The following ZNRF3 variants were observed in gnomAD, a reference collection of about 807,000 sequenced individuals.
ZNRF3 encodes the protein zinc and ring finger 3.
In ZNRF3, 23 loss-of-function variants were observed where a neutral mutation model predicts 72.5. The ratio of observed to expected loss-of-function variants is 0.32; its 90% CI spans 0.23 to 0.45. ZNRF3 has a LOEUF of 0.45. ZNRF3 is among the 20% of genes least tolerant of loss of function. The pLI is 1.00. For synonymous variants in ZNRF3, 610 were observed against 545.3 expected (o/e 1.12, Z -1.65); for missense variants, 1,169 against 1,272.1 (o/e 0.92, Z 1.23).
At chr22:29,014,339 G>T (rs2036396868) in intron 2 of ZNRF3, among the ~76,000 whole-genome samples, 1 of 152,158 alleles carries the variant, frequency 6.6e-6, no homozygotes, top group Admixed American at 6.5e-5. Flanking sequence ...TCCCCTGAAT[G>T]TCCCCACTGG....
rs564690684 is a variant in ZNRF3, at chr22:28,979,158, C to A, written c.301-7918C>A. Reference sequence around the variant, plus strand: ...CTCATCCTTCTGGCCCCATCTGGACCTGTCATTCAACAGGCTGGTTGCAAA... The same window carrying A: ...CTCATCCTTCTGGCCCCATCTGGACATGTCATTCAACAGGCTGGTTGCAAA... On this transcript the variant is annotated intron_variant, in intron 1 of 8. Transcript: ENST00000544604. Among the ~76,000 whole-genome samples, 23 of 152,298 alleles carry A rather than the reference C, an allele frequency of 1.5e-4. No homozygotes were observed. In the East Asian group the frequency reaches 4.0e-3, roughly 27 times the overall value.
At chr22:28,948,486 A>T (rs772486159) in intron 1 of ZNRF3, among the ~76,000 whole-genome samples, 14 of 152,246 alleles carry the variant, frequency 9.2e-5, no homozygotes, top group Non-Finnish European at 1.6e-4. Context: ...TTTTTGTTTT[A>T]GAAAATATAG....
At chr22:28,896,932 T>C (rs2034008942) in intron 1 of ZNRF3, among the ~76,000 whole-genome samples, 1 of 152,220 alleles carries the variant, frequency 6.6e-6, no homozygotes, top group Non-Finnish European at 1.5e-5. Context: ...TTTTGGTTTT[T>C]CTTTTTCTTT....
intron 1 of ZNRF3, among the ~76,000 whole-genome samples, chr22:28,977,146 T>G (rs2035689874): frequency 6.6e-6 from 1 of 152,110 alleles, no homozygotes; most frequent in Non-Finnish European, 1.5e-5. Flanking sequence ...TGATACCCAC[T>G]GGGGGAGACT....
At chr22:28,939,670 C>G (rs527511712) in intron 1 of ZNRF3, among the ~76,000 whole-genome samples, 8 of 152,210 alleles carry the variant, frequency 5.3e-5, no homozygotes, top group Non-Finnish European at 1.0e-4. Context: ...AGTACTGTTT[C>G]TCGGAGGGCA....
intron 2 of ZNRF3, among the ~76,000 whole-genome samples, chr22:29,009,623 C>T (rs947277985): frequency 2.0e-5 from 3 of 151,952 alleles, no homozygotes; most frequent in Non-Finnish European, 4.4e-5. Context: ...GTATTAGAGA[C>T]CTTAAAACTT....
chr22:28,927,985 G>A (rs1039789991), intron 1 of ZNRF3, among the ~76,000 whole-genome samples: 5 of 152,150 alleles, frequency 3.3e-5, no homozygotes, highest in Non-Finnish European at 5.9e-5. Context: ...GTATTTTGCT[G>A]TAGCTATAGA....
At chr22:28,984,792 C>G (rs2035824953) in intron 1 of ZNRF3, among the ~76,000 whole-genome samples, 1 of 152,188 alleles carries the variant, frequency 6.6e-6, no homozygotes, top group African/African-American at 2.4e-5. Flanking sequence ...TGTTTAATAA[C>G]TGTAGAACAT....
chr22:29,050,877 C>T lies in ZNRF3; in HGVS notation c.2696C>T (p.Ala899Val), dbSNP rs758262373. ...GGCTGCCCTCCGGAGGAGGCGGGTG[C>T]TGTCAGGGCCAACTTCCCTAGTGCC... ...RPGCPPEEAG[A>V]VRANFPSALQ... is the part of the protein sequence containing the mutation. The change falls in exon 8 of 9, where the codon GCT becomes GTT. Residue 899 changes from alanine to valine, a missense_variant. By Grantham distance (64) the Ala-to-Val change is moderately conservative. Around this residue, in one of 2 missense-constraint regions of ZNRF3, gnomAD observed 783 missense variants for 731.4 expected, o/e 1.07. Transcript: ENST00000544604. The T allele has an allele frequency of 1.3e-5, 20 of 1,588,876 alleles. No homozygotes were observed. The African/African-American group carries it at 1.6e-4, about 13-fold the overall frequency.
chr22:28,936,681 A>G (rs1452054774), intron 1 of ZNRF3, among the ~76,000 whole-genome samples: 1 of 152,140 alleles, frequency 6.6e-6, no homozygotes, highest in African/African-American at 2.4e-5. Flanking sequence ...AGTAGAAATA[A>G]ATTAAGTGGC....
chr22:29,044,752 G>T (rs2037031132), intron 4 of ZNRF3, 28 bp from the exon 5 acceptor site: 1 of 1,510,406 alleles, frequency 6.6e-7, no homozygotes, highest in Non-Finnish European at 9.2e-7. Flanking sequence ...GAGAGGCTGT[G>T]ACTCACTGTG....
intron 1 of ZNRF3, among the ~76,000 whole-genome samples, chr22:28,930,135 C>T (rs1220024656): frequency 6.6e-6 from 1 of 151,958 alleles, no homozygotes; most frequent in Non-Finnish European, 1.5e-5. Flanking sequence ...ACTTAGCTCT[C>T]AGGTGCTTTT....
chr22:29,048,391 G>A lies in ZNRF3; in HGVS notation c.915G>A (p.Glu305=). ...ICLEKYIDGE[E]LRVIPCTHRF... is the part of the protein sequence containing the mutation. ...GTGTCCCCTCTCTCCCTGCCCAGGA[G>A]CTGCGGGTCATCCCCTGTACTCACC... Residue 305 remains glutamate, a splice_region_variant and synonymous_variant, in exon 7 of 9, where the codon GAG becomes GAA. Transcript: ENST00000544604. The surrounding 1 kb of genome is among the most constrained non-coding windows in gnomAD (Gnocchi z 4.9). 2 of 1,613,444 alleles carry A rather than the reference G, an allele frequency of 1.2e-6. No homozygotes were observed. Among genetic ancestry groups the A allele is most frequent in the Non-Finnish European group, 1.7e-6 (2 of 1,179,608 alleles).
At chr22:28,978,787 T>C (rs893380014) in intron 1 of ZNRF3, among the ~76,000 whole-genome samples, 1 of 152,224 alleles carries the variant, frequency 6.6e-6, no homozygotes. Flanking sequence ...TGTGATTCTT[T>C]CTAAATTTCT....
At chr22:28,985,752 G>T (rs1415994706) in intron 1 of ZNRF3, among the ~76,000 whole-genome samples, 1 of 152,152 alleles carries the variant, frequency 6.6e-6, no homozygotes, top group Non-Finnish European at 1.5e-5. Context: ...AACAAGTAGG[G>T]GATAATGTGG....
intron 2 of ZNRF3, chr22:29,018,029 G>A (rs986919512): frequency 3.9e-6 from 2 of 519,036 alleles, no homozygotes; most frequent in Non-Finnish European, 7.7e-6. Context: ...CAGAAATGGG[G>A]GAACTGTGTG....
At chr22:28,891,708 G>A (rs2033891339) in intron 1 of ZNRF3, among the ~76,000 whole-genome samples, 1 of 152,336 alleles carries the variant, frequency 6.6e-6, no homozygotes, top group Middle Eastern at 3.4e-3. Flanking sequence ...TATGGGAACT[G>A]ATGTGGAATT....
At position 28,961,953 on chromosome 22, in the gene ZNRF3, C is replaced by CT. The variant is rs548493286; in HGVS notation, c.301-25120dup. On this transcript the variant is annotated intron_variant, in intron 1 of 8. Coordinates refer to ENST00000544604, the MANE Select transcript of ZNRF3 (RefSeq NM_001206998.2). ...TTCCTCAGTAGCATCAAACATATGT[C>CT]TTTATCTTCTTGATTCAAGCTGGTC... Among the ~76,000 whole-genome samples the CT allele has an allele frequency of 1.6e-4, 25 of 152,242 alleles. 2 individuals are homozygous for CT. The South Asian group carries it at 5.0e-3, about 30-fold the overall frequency.
intron 1 of ZNRF3, among the ~76,000 whole-genome samples, chr22:28,982,905 G>A (rs188297166): frequency 6.6e-4 from 101 of 152,288 alleles, no homozygotes; most frequent in Middle Eastern, 3.4e-3. Context: ...TATTCAATAG[G>A]TGGGTCAAAG....
Sources: gnomAD v4.1 joint callset for allele counts (sites outside exome capture counted in the v4.1 genomes callset) on GRCh38, gnomAD v4.1.1 for gene constraint, gnomAD v4.1.1 regional missense constraint, Gnocchi (gnomAD v3.1) non-coding constraint, MANE v1.5 for transcripts, NCBI Gene and HGNC (gene_info 2026-07-23, HGNC 2026-07-21) for gene names.